Variants in AUTS2 observed in about 807,000 individuals in gnomAD.
The protein encoded by AUTS2 is activator of transcription and developmental regulator AUTS2.
Under a neutral mutation model 112.4 loss-of-function variants are expected in AUTS2, and 17 were observed. The observed-to-expected ratio is 0.15, with a 90% CI of 0.10 to 0.23. The LOEUF is 0.23. AUTS2 is among the 10% of genes least tolerant of loss of function. The probability of loss-of-function intolerance (pLI) is 1.00; values close to 1 mark genes in which losing one functional copy is unlikely to be tolerated. For missense variants in AUTS2, 1,510 were observed against 1,701.6 expected, an observed-to-expected ratio of 0.89 and a Z score of 1.98; for synonymous variants, 751 against 702.7, an observed-to-expected ratio of 1.07 and a Z score of -1.09.
Position 70,393,755 on chromosome 7 carries a change from C to G in AUTS2, c.661-41997C>G, listed in dbSNP as rs151283584. ...TCTGTAACACGAAGCCCACCACCCC[C>G]CTTTCAACCTTTAATACCTGTCTTC... On this transcript the variant is annotated intron_variant, in intron 4 of 18. Coordinates refer to ENST00000342771, the MANE Select transcript of AUTS2 (RefSeq NM_015570.4). Among the ~76,000 whole-genome samples the G allele has an allele frequency of 7.5e-3, 1,144 of 152,298 alleles. 9 individuals carry two copies. Among genetic ancestry groups the G allele is most frequent in the Non-Finnish European group, 0.013 (874 of 68,030 alleles).
At chr7:70,276,038 C>T (rs1787911960) in intron 4 of AUTS2, among the ~76,000 whole-genome samples, 1 of 152,166 alleles carries the variant, frequency 6.6e-6, no homozygotes, top group Non-Finnish European at 1.5e-5. Flanking sequence ...ATCTCTGTAG[C>T]TAACATTTGG....
intron 4 of AUTS2, among the ~76,000 whole-genome samples, chr7:70,408,178 G>T (rs1189040504): frequency 1.3e-5 from 2 of 149,834 alleles, no homozygotes; most frequent in African/African-American, 4.9e-5. Flanking sequence ...GAGACCCTGT[G>T]GAAAAAAAAA....
chr7:70,473,277 C>G (rs1240059701), intron 5 of AUTS2, among the ~76,000 whole-genome samples: 1 of 152,172 alleles, frequency 6.6e-6, no homozygotes, highest in South Asian at 2.1e-4. Context: ...TTATGAATTT[C>G]AGCATGTAAC....
intron 1 of AUTS2, among the ~76,000 whole-genome samples, chr7:69,658,173 A>G (rs1466396411): frequency 3.3e-5 from 5 of 152,268 alleles, no homozygotes; most frequent in African/African-American, 1.2e-4. Flanking sequence ...TTTGCACTAC[A>G]ACAGCAGAAT....
intron 14 of AUTS2, 77 bp downstream of exon 14, chr7:70,777,251 A>G: frequency 1.5e-6 from 2 of 1,335,168 alleles, no homozygotes; most frequent in Non-Finnish European, 2.2e-6. Flanking sequence ...GAACCTGATG[A>G]AGGAGGCATT....
chr7:70,784,948 C>T lies in AUTS2; in HGVS notation c.2153C>T (p.Ala718Val). The change falls in exon 16 of 19, where the codon GCA becomes GTA. Residue 718 changes from alanine (A) to valine (V), a missense_variant. Ala to Val is a moderately conservative substitution (Grantham distance 64). This residue lies in a region of AUTS2 where 788 missense variants were observed against 797.6 expected (regional missense o/e 0.99). Coordinates refer to ENST00000342771, the MANE Select transcript of AUTS2 (RefSeq NM_015570.4). ...PSTLFSAAGA[A>V]HPTGTPFGPP... Reference sequence around the variant, plus strand: ...GTTATGTTTGACTTAACAGGTGCTGCACACCCAACTGGGACCCCTTTTGGG... The same window carrying T: ...GTTATGTTTGACTTAACAGGTGCTGTACACCCAACTGGGACCCCTTTTGGG... The T allele has an allele frequency of 6.2e-7, 1 of 1,614,072 alleles. No individual in the cohort carries two copies. Among genetic ancestry groups the T allele is most frequent in the Non-Finnish European group, 8.5e-7 (1 of 1,179,992 alleles).
At chr7:70,656,903 G>GTATA (rs1563106360) in intron 5 of AUTS2, among the ~76,000 whole-genome samples, 1 of 144,254 alleles carries the variant, frequency 6.9e-6, no homozygotes, top group Admixed American at 6.9e-5. Flanking sequence ...ACAAGCTAAG[G>GTATA]TGTATGGGTT....
At chr7:69,983,887 C>G (rs1402348966) in intron 2 of AUTS2, among the ~76,000 whole-genome samples, 1 of 152,048 alleles carries the variant, frequency 6.6e-6, no homozygotes, top group Non-Finnish European at 1.5e-5. Context: ...TAGTTATAAA[C>G]CCTTATAAAC....
intron 5 of AUTS2, among the ~76,000 whole-genome samples, chr7:70,576,615 A>G (rs893792324): frequency 1.3e-5 from 2 of 152,180 alleles, no homozygotes; most frequent in Admixed American, 6.5e-5. Flanking sequence ...TTTCCAGGAA[A>G]TGCCTTTCAA....
intron 1 of AUTS2, among the ~76,000 whole-genome samples, chr7:69,818,773 A>C (rs1700804918): frequency 6.6e-6 from 1 of 152,160 alleles, no homozygotes; most frequent in South Asian, 2.1e-4. Flanking sequence ...TAAAGAAGAG[A>C]GAGTAAGGTT....
At chr7:70,662,222 C>T (rs1226836313) in intron 5 of AUTS2, among the ~76,000 whole-genome samples, 1 of 152,226 alleles carries the variant, frequency 6.6e-6, no homozygotes, top group Non-Finnish European at 1.5e-5. Flanking sequence ...ACAGTGGCAG[C>T]GTGCTTTGGG....
intron 2 of AUTS2, among the ~76,000 whole-genome samples, chr7:69,992,144 T>C (rs1391906847): frequency 6.6e-6 from 1 of 152,238 alleles, no homozygotes; most frequent in Non-Finnish European, 1.5e-5. Context: ...CATTGCTGAT[T>C]GTGTCCATGT....
chr7:70,588,679 T>G (rs1802794313), intron 5 of AUTS2, among the ~76,000 whole-genome samples: 1 of 152,210 alleles, frequency 6.6e-6, no homozygotes, highest in African/African-American at 2.4e-5. Context: ...GGATTTTTTT[T>G]TTATGGGACT....
chr7:69,797,425 G>A (rs1294938850), intron 1 of AUTS2, among the ~76,000 whole-genome samples: 1 of 152,200 alleles, frequency 6.6e-6, no homozygotes, highest in Admixed American at 6.5e-5. Context: ...TATTTCTGGG[G>A]CTGCAAGGAA....
chr7:69,960,750 C>T (rs1271421393), intron 2 of AUTS2, among the ~76,000 whole-genome samples: 1 of 152,078 alleles, frequency 6.6e-6, no homozygotes, highest in African/African-American at 2.4e-5. Flanking sequence ...TTTATGTCTA[C>T]CTGGAATGTC....
chr7:70,151,512 T>C (rs1584795963), intron 4 of AUTS2, among the ~76,000 whole-genome samples: 1 of 152,206 alleles, frequency 6.6e-6, no homozygotes. Flanking sequence ...TCATTCTTGT[T>C]GCCCAAGCTG....
chr7:69,640,013 A>C (rs1046791723), intron 1 of AUTS2, among the ~76,000 whole-genome samples: 1 of 152,212 alleles, frequency 6.6e-6, no homozygotes, highest in African/African-American at 2.4e-5. Flanking sequence ...CTTGGGCCTC[A>C]GTTACCTTGT....
chr7:70,047,396 G>A (rs999552346), intron 2 of AUTS2, among the ~76,000 whole-genome samples: 1 of 152,160 alleles, frequency 6.6e-6, no homozygotes, highest in East Asian at 1.9e-4. Flanking sequence ...GCACAGTGCT[G>A]TATTAAATAG....
intron 4 of AUTS2, among the ~76,000 whole-genome samples, chr7:70,137,816 T>C (rs1482892780): frequency 6.6e-6 from 1 of 152,266 alleles, no homozygotes; most frequent in East Asian, 1.9e-4. Context: ...TCTCATCAGG[T>C]GGCTGTGCAA....
Sources: allele counts gnomAD v4.1 joint callset (sites outside exome capture counted in the v4.1 genomes callset), GRCh38; gene constraint gnomAD v4.1.1; regional missense constraint gnomAD v4.1.1; transcripts MANE v1.5; gene names NCBI Gene and HGNC (gene_info 2026-07-23, HGNC 2026-07-21).